SUGCT: variants seen among roughly 807,000 people sequenced by gnomAD.
The protein encoded by SUGCT is succinyl-CoA:glutarate CoA-transferase.
Under a neutral mutation model 55.0 loss-of-function variants are expected in SUGCT, and 41 were observed. That is an observed-to-expected ratio of 0.74 (90% CI 0.58 to 0.97). The LOEUF is 0.97. Among genes scored for constraint, SUGCT ranks in the 50% least tolerant of loss-of-function variants. The pLI, the probability that SUGCT is intolerant of heterozygous loss-of-function variation, is 0.00. For synonymous variants in SUGCT, 187 were observed against 200.4 expected (o/e 0.93, Z 0.56); for missense variants, 568 against 547.8 (o/e 1.04, Z -0.37).
intron 12 of SUGCT, among the ~76,000 whole-genome samples, chr7:40,604,269 G>A (rs1291076447): frequency 6.6e-6 from 1 of 152,150 alleles, no homozygotes; most frequent in Non-Finnish European, 1.5e-5. Flanking sequence ...TCCCTGCAAG[G>A]CCTATGATGG....
chr7:40,525,892 T>C (rs1793768614), intron 12 of SUGCT, among the ~76,000 whole-genome samples: 1 of 152,158 alleles, frequency 6.6e-6, no homozygotes, highest in South Asian at 2.1e-4. Flanking sequence ...GGTGTTTGCG[T>C]TATGTGCTGG....
intron 12 of SUGCT, among the ~76,000 whole-genome samples, chr7:40,671,525 G>T (rs1192137271): frequency 1.3e-5 from 2 of 152,152 alleles, no homozygotes; most frequent in Non-Finnish European, 2.9e-5. Context: ...GTTAGGGGGT[G>T]CATGTTAAAC....
chr7:40,740,123 A>AT (rs1367288657), intron 12 of SUGCT, among the ~76,000 whole-genome samples: 2 of 151,940 alleles, frequency 1.3e-5, no homozygotes, highest in Non-Finnish European at 2.9e-5. Flanking sequence ...CAGTCTATAC[A>AT]TTTTTTTGTT....
chr7:40,967,327 AGTG>A, the SUGCT span: 1 of 152,210 alleles, frequency 6.6e-6, no homozygotes, highest in Non-Finnish European at 1.5e-5. Context: ...GGAATCATGA[AGTG>A]TTATTACAAG....
In SUGCT at chr7:40,575,050, T is replaced by C. The variant is rs149705450; in HGVS notation, c.1089+78664T>C. ...TGCCTCTGCATCCCTCCTTAACTCA[T>C]TAAGCAGATTTTTTTCAGTATGCCT... On this transcript the variant is annotated intron_variant, in intron 12 of 13. Coordinates refer to ENST00000335693, the MANE Select transcript of SUGCT (RefSeq NM_001193313.2). 4.3e-3 allele frequency among the ~76,000 whole-genome samples: 638 copies of C among 148,270 alleles called. 6 individuals carry two copies. Among genetic ancestry groups the C allele is most frequent in the African/African-American group, 0.015 (613 of 39,746 alleles).
chr7:40,475,818 G>A (rs1267461426), intron 11 of SUGCT, among the ~76,000 whole-genome samples: 1 of 152,122 alleles, frequency 6.6e-6, no homozygotes, highest in Non-Finnish European at 1.5e-5. Flanking sequence ...TCACTACTAA[G>A]TCAGTTTCCT....
the SUGCT span, among the ~76,000 whole-genome samples, chr7:41,012,989 A>G: frequency 2.2e-3 from 324 of 150,496 alleles, 6 homozygotes; most frequent in Admixed American, 0.016. Flanking sequence ...GTCACCTTTA[A>G]TAATCCAAGT....
At chr7:40,794,046 C>T (rs1437072032) in intron 13 of SUGCT, among the ~76,000 whole-genome samples, 1 of 151,790 alleles carries the variant, frequency 6.6e-6, no homozygotes, top group Non-Finnish European at 1.5e-5. Flanking sequence ...TTGATTCTTC[C>T]TTTTTAAAAC....
chr7:40,474,963 G>C (rs1248757466), intron 11 of SUGCT, among the ~76,000 whole-genome samples: 2 of 152,160 alleles, frequency 1.3e-5, no homozygotes, highest in Non-Finnish European at 2.9e-5. Flanking sequence ...TGCCAGGGCA[G>C]CAGCATAGTG....
At chr7:40,250,844 T>TTA (rs1260938940) in intron 7 of SUGCT, among the ~76,000 whole-genome samples, 2 of 138,108 alleles carry the variant, frequency 1.4e-5, no homozygotes, top group African/African-American at 2.6e-5. Flanking sequence ...TTTTTTTTTT[T>TTA]TTTTTTTTTT....
chr7:40,985,497 A>G, the SUGCT span, among the ~76,000 whole-genome samples: 6 of 152,208 alleles, frequency 3.9e-5, no homozygotes, highest in Non-Finnish European at 8.8e-5. Context: ...TGTGGGGGAA[A>G]AAAATCTCAG....
At chr7:40,780,777 T>TC (rs1789704831) in intron 13 of SUGCT, among the ~76,000 whole-genome samples, 3 of 51,728 alleles carry the variant, frequency 5.8e-5, no homozygotes. Flanking sequence ...TTCTTCTTCT[T>TC]TTTTTTTTTT....
intron 12 of SUGCT, among the ~76,000 whole-genome samples, chr7:40,721,446 A>C (rs992104284): frequency 2.6e-5 from 4 of 152,214 alleles, no homozygotes; most frequent in Non-Finnish European, 4.4e-5. Context: ...ATGCTCTCAG[A>C]GGATCTCACT....
intron 1 of SUGCT, among the ~76,000 whole-genome samples, chr7:40,147,212 A>G (rs889972970): frequency 4.6e-5 from 7 of 151,982 alleles, no homozygotes; most frequent in African/African-American, 1.5e-4. Flanking sequence ...TCTTCCCTAG[A>G]GAAGAAAGGA....
chr7:40,779,095 G>A (rs1266468813), intron 13 of SUGCT, among the ~76,000 whole-genome samples: 1 of 150,176 alleles, frequency 6.7e-6, no homozygotes, highest in Non-Finnish European at 1.5e-5. Flanking sequence ...TGCTGGTTCT[G>A]TCTCCGTTGA....
At chr7:40,683,416 T>A (rs924546917) in intron 12 of SUGCT, among the ~76,000 whole-genome samples, 2 of 152,182 alleles carry the variant, frequency 1.3e-5, no homozygotes, top group East Asian at 1.9e-4. Flanking sequence ...AGTCTGAGCT[T>A]GTGCTTTTTT....
chr7:40,920,616 G>A, the SUGCT span, among the ~76,000 whole-genome samples: 2 of 152,058 alleles, frequency 1.3e-5, no homozygotes, highest in Admixed American at 6.6e-5. Flanking sequence ...TCAGTTGGTT[G>A]GTTTTATTTC....
chr7:40,399,408 G>T (rs972928395), intron 9 of SUGCT, among the ~76,000 whole-genome samples: 3 of 152,062 alleles, frequency 2.0e-5, no homozygotes, highest in Non-Finnish European at 4.4e-5. Flanking sequence ...GCCAAAAAGA[G>T]AATTTATTGT....
intron 12 of SUGCT, among the ~76,000 whole-genome samples, chr7:40,746,708 T>G (rs945154180): frequency 2.6e-5 from 4 of 152,248 alleles, no homozygotes; most frequent in Admixed American, 1.3e-4. Context: ...TAGCTTTTGC[T>G]TCACAAAACT....
Sources: gnomAD v4.1 joint callset for allele counts (sites outside exome capture counted in the v4.1 genomes callset) on GRCh38, gnomAD v4.1.1 for gene constraint, MANE v1.5 for transcripts, NCBI Gene and HGNC (gene_info 2026-07-23, HGNC 2026-07-21) for gene names.